Variants in CNTNAP5 observed in about 807,000 individuals in gnomAD.
CNTNAP5 encodes the protein contactin-associated protein-like 5.
Under a neutral mutation model 150.2 loss-of-function variants are expected in CNTNAP5, and 72 were observed. That is an observed-to-expected ratio of 0.48 (90% CI 0.40 to 0.58). The LOEUF is 0.58. CNTNAP5 is among the 20% of genes least tolerant of loss of function. The pLI is 0.00. For synonymous variants in CNTNAP5, 672 were observed against 619.8 expected, an observed-to-expected ratio of 1.08 and a Z score of -1.25; for missense variants, 1,636 against 1,626.2, an observed-to-expected ratio of 1.01 and a Z score of -0.10.
rs150415382 is a variant in CNTNAP5 at position 124,915,195 on chromosome 2, TAC to T, written c.*929_*930del. The T allele has an allele frequency of 0.014, 2,169 of 149,600 alleles. 12 individuals carry two copies. The highest frequency in any genetic ancestry group is 0.022 in the African/African-American group (791 of 35,882). The allele number at this position is 149,600 out of a possible 1,614,324, so 9.3% of individuals were successfully genotyped here. A position where few individuals can be genotyped will look rare whatever the true frequency, so the allele number is the denominator to read the frequency against. On this transcript the variant is annotated 3_prime_UTR_variant, in exon 24 of 24. Transcript: ENST00000682447. ...ATGTATATATATATGTGAGTATATA[TAC>T]ACACACACACACACACACACATATA...
At chr2:124,347,457 G>A (rs944525406) in intron 3 of CNTNAP5, among the ~76,000 whole-genome samples, 6 of 152,152 alleles carry the variant, frequency 3.9e-5, no homozygotes, top group African/African-American at 1.4e-4. Flanking sequence ...CCTCCACCAG[G>A]GCAGAAGGAC....
At chr2:124,826,159 A>T (rs1251427849) in intron 19 of CNTNAP5, among the ~76,000 whole-genome samples, 3 of 152,174 alleles carry the variant, frequency 2.0e-5, no homozygotes, top group Non-Finnish European at 4.4e-5. Context: ...TACATTAATT[A>T]TTAAATATCA....
At chr2:124,737,186 G>A (rs1680401093) in intron 13 of CNTNAP5, among the ~76,000 whole-genome samples, 3 of 151,826 alleles carry the variant, frequency 2.0e-5, no homozygotes, top group South Asian at 2.1e-4. Flanking sequence ...AACTACTCAG[G>A]AGGCTGAGGC....
intron 13 of CNTNAP5, among the ~76,000 whole-genome samples, chr2:124,662,541 T>C (rs773242390): frequency 1.3e-5 from 2 of 152,160 alleles, no homozygotes; most frequent in Non-Finnish European, 2.9e-5. Context: ...ATCTTGTTAG[T>C]CCAGTTATAT....
chr2:124,291,545 T>G (rs1460837715), intron 3 of CNTNAP5, among the ~76,000 whole-genome samples: 1 of 141,578 alleles, frequency 7.1e-6, no homozygotes, highest in African/African-American at 2.7e-5. Context: ...TTTTCTTCTG[T>G]TTTTTTTTTT....
chr2:124,025,849 A>C, intron 1 of CNTNAP5, 117 bp downstream of exon 1: 1 of 892,480 alleles, frequency 1.1e-6, no homozygotes, highest in East Asian at 2.5e-5. Flanking sequence ...AAACGGAAAA[A>C]AAATGCTGAT....
rs181941171 is a variant in CNTNAP5 at position 124,185,963 on chromosome 2, G to A, written c.83-35742G>A. On this transcript the variant is annotated intron_variant, in intron 1 of 23. Transcript: ENST00000682447. ...GTTTACTTGTTAGCATAGGACATACGTGTATACTCCTATAAATAAGATAAT... is the reference window on the plus strand; with the variant it reads ...GTTTACTTGTTAGCATAGGACATACATGTATACTCCTATAAATAAGATAAT... 5.9e-4 allele frequency among the ~76,000 whole-genome samples: 90 copies of A among 152,294 alleles called. 1 individual carries two copies. Among genetic ancestry groups the A allele is most frequent in the African/African-American group, 1.9e-3 (79 of 41,562 alleles).
At chr2:124,337,338 A>G (rs1217691598) in intron 3 of CNTNAP5, among the ~76,000 whole-genome samples, 1 of 152,090 alleles carries the variant, frequency 6.6e-6, no homozygotes, top group East Asian at 1.9e-4. Context: ...GTTCACTCTG[A>G]TGGTACTTTC....
chr2:124,598,638 C>T (rs1229682558), intron 11 of CNTNAP5, among the ~76,000 whole-genome samples: 1 of 150,704 alleles, frequency 6.6e-6, no homozygotes, highest in East Asian at 2.0e-4. Flanking sequence ...CCTACAGAGG[C>T]AGGCAGGCCT....
intron 1 of CNTNAP5, among the ~76,000 whole-genome samples, chr2:124,125,646 T>G (rs941720561): frequency 1.3e-5 from 2 of 152,142 alleles, no homozygotes; most frequent in African/African-American, 4.8e-5. Context: ...ATTCCAAAAT[T>G]GACCACATAG....
intron 3 of CNTNAP5, among the ~76,000 whole-genome samples, chr2:124,358,607 T>G (rs1690096181): frequency 1.3e-5 from 2 of 152,252 alleles, no homozygotes; most frequent in African/African-American, 4.8e-5. Context: ...GGATTACATT[T>G]ACTGATTTGC....
At chr2:124,524,139 G>A (rs1380013005) in intron 8 of CNTNAP5, among the ~76,000 whole-genome samples, 164 bp from the exon 9 acceptor site, 1 of 152,142 alleles carries the variant, frequency 6.6e-6, no homozygotes, top group Non-Finnish European at 1.5e-5. Context: ...AGAAGAGGAA[G>A]AACAATGCTT....
chr2:124,291,517 G>A (rs372457393), intron 3 of CNTNAP5, among the ~76,000 whole-genome samples: 21 of 151,792 alleles, frequency 1.4e-4, no homozygotes, highest in African/African-American at 5.1e-4. Context: ...ACACCAGAGA[G>A]AGCCACATTT....
At chr2:124,485,873 A>C (rs1358036952) in intron 7 of CNTNAP5, among the ~76,000 whole-genome samples, 1 of 152,102 alleles carries the variant, frequency 6.6e-6, no homozygotes, top group Non-Finnish European at 1.5e-5. Context: ...TGGACAAAGC[A>C]TAACATTCAG....
chr2:124,038,025 C>A (rs531022196), intron 1 of CNTNAP5, among the ~76,000 whole-genome samples: 1 of 152,144 alleles, frequency 6.6e-6, no homozygotes, highest in Admixed American at 6.5e-5. Flanking sequence ...TTTGTCTTCA[C>A]GCTGCAAGAT....
chr2:124,815,233 C>G lies in CNTNAP5; in HGVS notation c.3217+16913C>G, dbSNP rs570754334. On this transcript the variant is annotated intron_variant, in intron 19 of 23. Transcript: ENST00000682447. Reference sequence around the variant, plus strand: ...GGTGGGAGATGAATTAGCACATAGCCAAAGGTACTGGAGGAATAAGCACTG... The same window carrying G: ...GGTGGGAGATGAATTAGCACATAGCGAAAGGTACTGGAGGAATAAGCACTG... Among the ~76,000 whole-genome samples, 219 of 152,244 alleles carry G rather than the reference C, an allele frequency of 1.4e-3. 2 individuals are homozygous for G. Among genetic ancestry groups the G allele is most frequent in the African/African-American group, 5.1e-3 (213 of 41,536 alleles).
At chr2:124,128,130 A>G (rs966520186) in intron 1 of CNTNAP5, among the ~76,000 whole-genome samples, 5 of 152,226 alleles carry the variant, frequency 3.3e-5, no homozygotes, top group Non-Finnish European at 7.3e-5. Context: ...GGCAACCTAC[A>G]GAATGGGAGA....
chr2:124,259,968 TC>T (rs1558823567), intron 3 of CNTNAP5, among the ~76,000 whole-genome samples: 2 of 152,010 alleles, frequency 1.3e-5, no homozygotes, highest in African/African-American at 4.8e-5. Context: ...TTCAATGCCA[TC>T]CCCATCAAGC....
chr2:124,385,008 C>T (rs966017819), intron 3 of CNTNAP5, among the ~76,000 whole-genome samples: 3 of 152,202 alleles, frequency 2.0e-5, no homozygotes, highest in Admixed American at 2.0e-4. Context: ...TGTATTCCCA[C>T]AGCAGCAGCA....
Sources: allele counts gnomAD v4.1 joint callset (sites outside exome capture counted in the v4.1 genomes callset), GRCh38; gene constraint gnomAD v4.1.1; transcripts MANE v1.5; gene names NCBI Gene and HGNC (gene_info 2026-07-23, HGNC 2026-07-21).